VPS37C: variants seen among roughly 807,000 people sequenced by gnomAD.
VPS37C encodes the protein VPS37C subunit of ESCRT-I.
VPS37C carries 9 observed loss-of-function variants against 16.1 expected under a neutral mutation model. The observed-to-expected ratio is 0.56, with a 90% CI of 0.34 to 0.97. The LOEUF (loss-of-function observed/expected upper bound fraction) is 0.97. Ranked by LOEUF, VPS37C falls within the 50% of genes least tolerant of loss-of-function variation. The pLI is 0.02. For missense variants in VPS37C, 479 were observed against 472.7 expected (o/e 1.01, Z -0.12); for synonymous variants, 207 against 206.4 (o/e 1.00, Z -0.02).
rs571090295 is a variant in VPS37C, at chr11:61,139,015, C to G, written c.-6-180G>C. Among the ~76,000 whole-genome samples the G allele has an allele frequency of 5.1e-4, 77 of 152,288 alleles. No individual in the cohort carries two copies. In the South Asian group the frequency reaches 7.5e-3, roughly 15 times the overall value. ...CACATTCCTGCGGCTCAGCCCACCC[C>G]CTCCCCAGGGAGATCAAGGAGCTGC... On this transcript the variant is annotated intron_variant, in intron 1 of 4. Transcript: ENST00000301765.
chr11:61,157,148 G>A (rs1021933396), intron 1 of VPS37C, among the ~76,000 whole-genome samples: 5 of 152,224 alleles, frequency 3.3e-5, no homozygotes, highest in Admixed American at 1.3e-4. Flanking sequence ...GTCCATGGAC[G>A]CTTGAATGGC....
chr11:61,143,290 T>C (rs1488361637), intron 1 of VPS37C: 2 of 151,402 alleles, frequency 1.3e-5, no homozygotes, highest in Non-Finnish European at 1.5e-5. Context: ...ATTCTCAACA[T>C]GTGCCTCATG....
Position 61,134,087 on chromosome 11 carries a change from G to T in VPS37C, c.214C>A (p.Gln72Lys), listed in dbSNP as rs759585600. 1 of 1,613,800 alleles carries T rather than the reference G, an allele frequency of 6.2e-7. No homozygotes were observed. Among genetic ancestry groups the T allele is most frequent in the South Asian group, 1.1e-5 (1 of 91,072 alleles). Residue 72 changes from glutamine to lysine, a missense_variant, in exon 3 of 5, where the codon CAG becomes AAG. By Grantham distance (53) the Gln-to-Lys change is moderately conservative (BLOSUM62 1). Coordinates refer to ENST00000301765, the MANE Select transcript of VPS37C (RefSeq NM_017966.5). ...CGCTCCACGAGCTTCCGGAGCTCCT[G>T]GTATCTATCCGAGAGGTTTGAGCGG... The part of the protein sequence containing the change: ...ISRSNLSDRY[Q>K]ELRKLVERCQ...
At chr11:61,149,389 G>A (rs1211225371) in intron 1 of VPS37C, among the ~76,000 whole-genome samples, 1 of 152,170 alleles carries the variant, frequency 6.6e-6, no homozygotes, top group Non-Finnish European at 1.5e-5. Flanking sequence ...ATCACCATGG[G>A]CACATTATTC....
intron 1 of VPS37C, among the ~76,000 whole-genome samples, chr11:61,141,978 C>T (rs1472997380): frequency 6.6e-6 from 1 of 152,248 alleles, no homozygotes; most frequent in South Asian, 2.1e-4. Flanking sequence ...GAGGTCTCCA[C>T]ATGTGGGGAG....
At chr11:61,142,956 A>T (rs1237966719) in intron 1 of VPS37C, among the ~76,000 whole-genome samples, 7 of 50 alleles carry the variant, frequency 0.14, no homozygotes, top group South Asian at 0.5. Context: ...AAGTATAATA[A>T]AAAAAAAAAA....
In VPS37C at chr11:61,154,585, A is replaced by T. The variant is rs539253792; in HGVS notation, c.-7+6806T>A. Among the ~76,000 whole-genome samples the T allele has an allele frequency of 4.7e-4, 71 of 152,274 alleles. 1 individual carries two copies. Among genetic ancestry groups the T allele is most frequent in the Non-Finnish European group, 7.9e-4 (54 of 68,018 alleles). On this transcript the variant is annotated intron_variant, in intron 1 of 4. Coordinates refer to ENST00000301765, the MANE Select transcript of VPS37C (RefSeq NM_017966.5). Reference sequence around the variant, plus strand: ...ATGAATGATCAGAGAGCTATGGAGCAACCTCTAGCACCCTTACATACATGT... The same window carrying T: ...ATGAATGATCAGAGAGCTATGGAGCTACCTCTAGCACCCTTACATACATGT...
intron 1 of VPS37C, among the ~76,000 whole-genome samples, chr11:61,139,534 G>C (rs777123853): frequency 3.9e-5 from 6 of 152,118 alleles, no homozygotes; most frequent in East Asian, 3.9e-4. Context: ...CTTTGACAGA[G>C]AGCTAGTGTC....
chr11:61,152,513 C>A (rs1396589586), intron 1 of VPS37C, among the ~76,000 whole-genome samples: 2 of 152,116 alleles, frequency 1.3e-5, no homozygotes, highest in East Asian at 1.9e-4. Context: ...CTCTTCTACA[C>A]CCCCCAGTAA....
intron 1 of VPS37C, chr11:61,143,866 G>A (rs1861514677): frequency 6.6e-6 from 1 of 151,864 alleles, no homozygotes; most frequent in Non-Finnish European, 1.5e-5. Flanking sequence ...CTCCATGTTG[G>A]TCAGGCTGGT....
intron 2 of VPS37C, among the ~76,000 whole-genome samples, chr11:61,135,928 CCT>C (rs779010836): frequency 2.6e-5 from 4 of 152,194 alleles, no homozygotes; most frequent in African/African-American, 7.2e-5. Flanking sequence ...ATTTCTGCTC[CCT>C]GTCTCCACAG....
chr11:61,158,241 T>C (rs1465129889), intron 1 of VPS37C, among the ~76,000 whole-genome samples: 3 of 152,104 alleles, frequency 2.0e-5, no homozygotes, highest in African/African-American at 4.8e-5. Context: ...CACAAATTGA[T>C]AAAACTACAA....
chr11:61,133,950 A>G, intron 3 of VPS37C, 86 bp downstream of exon 3: 1 of 1,468,500 alleles, frequency 6.8e-7, no homozygotes, highest in Non-Finnish European at 9.1e-7. Context: ...AAATATACAT[A>G]AAGCACTTAG....
intron 1 of VPS37C, among the ~76,000 whole-genome samples, chr11:61,150,240 T>TTA (rs1853276909): frequency 6.6e-6 from 1 of 152,134 alleles, no homozygotes; most frequent in Admixed American, 6.5e-5. Context: ...TCACCAAGTT[T>TTA]TAGCTAGTCA....
chr11:61,159,732 A>T (rs1467214269), intron 1 of VPS37C, among the ~76,000 whole-genome samples: 18 of 66,688 alleles, frequency 2.7e-4, no homozygotes, highest in Middle Eastern at 5.9e-3. Context: ...ATAAATAAAT[A>T]AATAAATAAA....
At chr11:61,151,230 A>C in intron 1 of VPS37C, among the ~76,000 whole-genome samples, 1 of 152,168 alleles carries the variant, frequency 6.6e-6, no homozygotes, top group East Asian at 1.9e-4. Context: ...GGATATCTTC[A>C]ACTAGACCCC....
In VPS37C at chr11:61,132,086, G is replaced by C; in HGVS notation, c.802C>G (p.Pro268Ala). 2.9e-6 allele frequency: 4 copies of C among 1,401,002 alleles called. No homozygotes were observed. The highest frequency in any genetic ancestry group is 3.7e-6 in the Non-Finnish European group (4 of 1,073,362). 86.8% of individuals were successfully genotyped at this position (1,401,002 alleles called of 1,614,324 possible). The change falls in exon 5 of 5, where the codon CCC becomes GCC. Residue 268 changes from proline to alanine, a missense_variant. Pro to Ala is a conservative substitution (Grantham distance 27, BLOSUM62 -1). Transcript: ENST00000301765. ...GGGGTCCCAGGATAGCCCGGCCGGG[G>C]TGGCATGCTCCTCTGTGGGGACCAG... Reference protein sequence around the residue: ...YSWSPQRSMPPRPGYPGTPMG... With the variant: ...YSWSPQRSMPARPGYPGTPMG...
chr11:61,157,619 C>T (rs1392246072), intron 1 of VPS37C, among the ~76,000 whole-genome samples: 3 of 152,202 alleles, frequency 2.0e-5, no homozygotes, highest in African/African-American at 7.2e-5. Context: ...AAGTTCTTTA[C>T]ATACTCTGGA....
rs771054958 is a variant in VPS37C at position 61,134,126 on chromosome 11, G to A, written c.175C>T (p.Pro59Ser). ...LAERNLEFQG[P>S]LEISRSNLSD... Reference sequence around the variant, plus strand: ...AGGTTTGAGCGGCTGATCTCCAGGGGACCCTGGAACTCCAAGTTCCGCTCT... The same window carrying A: ...AGGTTTGAGCGGCTGATCTCCAGGGAACCCTGGAACTCCAAGTTCCGCTCT... Residue 59 changes from proline (P) to serine (S), a missense_variant, in exon 3 of 5, where the codon CCC becomes TCC. By Grantham distance (74) the Pro-to-Ser change is moderately conservative. Transcript: ENST00000301765. 3 of 1,613,958 alleles carry A rather than the reference G, an allele frequency of 1.9e-6. No individual in the cohort carries two copies. The highest frequency in any genetic ancestry group is 2.7e-5 in the African/African-American group (2 of 75,012).
Sources: allele counts gnomAD v4.1 joint callset (sites outside exome capture counted in the v4.1 genomes callset), GRCh38; gene constraint gnomAD v4.1.1; transcripts MANE v1.5; gene names NCBI Gene and HGNC (gene_info 2026-07-23, HGNC 2026-07-21).